The following TMOD3 variants were observed in gnomAD, a reference collection of about 807,000 sequenced individuals.
The protein encoded by TMOD3 is tropomodulin-3.
In TMOD3, 20 loss-of-function variants were observed where a neutral mutation model predicts 39.2. That is an observed-to-expected ratio of 0.51 (90% CI 0.36 to 0.74). The LOEUF is 0.74. Ranked by LOEUF, TMOD3 falls within the 30% of genes least tolerant of loss-of-function variation. TMOD3 has a pLI of 0.00. For missense variants in TMOD3, 381 were observed against 412.8 expected (o/e 0.92, Z 0.67); for synonymous variants, 143 against 145.8 (o/e 0.98, Z 0.14).
At chr15:51,867,220 C>G (rs2056451624) in intron 2 of TMOD3, among the ~76,000 whole-genome samples, 1 of 152,116 alleles carries the variant, frequency 6.6e-6, no homozygotes, top group Non-Finnish European at 1.5e-5. Flanking sequence ...ACAGTCTCAG[C>G]AAGCTTAGAT....
At chr15:51,866,942 G>T (rs912374401) in intron 2 of TMOD3, among the ~76,000 whole-genome samples, 1 of 152,164 alleles carries the variant, frequency 6.6e-6, no homozygotes, top group African/African-American at 2.4e-5. Context: ...GTGATGAGAG[G>T]TTAAGAAAAG....
intron 9 of TMOD3, among the ~76,000 whole-genome samples, chr15:51,902,666 T>TTTG (rs2056658283): frequency 8.0e-6 from 1 of 125,732 alleles, no homozygotes. Context: ...TTTTTTTTTT[T>TTTG]TGAGACAGAG....
In TMOD3 at chr15:51,870,486, T is replaced by G. The variant is rs532554373; in HGVS notation, c.283+1113T>G. On this transcript the variant is annotated intron_variant, in intron 3 of 9. Coordinates refer to ENST00000308580, the MANE Select transcript of TMOD3 (RefSeq NM_014547.5). ...TAGTCCAGGCAGGAAGAATGGGACT[T>G]GGGCTTTTTATTTGAGAAAGAGGCC... is the stretch of plus-strand genomic sequence containing the variant. Among the ~76,000 whole-genome samples, 33 of 152,308 alleles carry G rather than the reference T, an allele frequency of 2.2e-4. No individual in the cohort carries two copies. In the East Asian group the frequency reaches 2.5e-3, roughly 12 times the overall value.
At chr15:51,905,821 G>A (rs544773995) in intron 9 of TMOD3, among the ~76,000 whole-genome samples, 8 of 151,706 alleles carry the variant, frequency 5.3e-5, no homozygotes, top group African/African-American at 1.5e-4. Flanking sequence ...GCGGGCGCCT[G>A]TAGTCCCAGC....
rs1384129740 is a variant in TMOD3, at chr15:51,913,985, C to A, written c.*5175C>A. 7 of 144,798 alleles carry A rather than the reference C, an allele frequency of 4.8e-5. No individual in the cohort carries two copies. The highest frequency in any genetic ancestry group is 8.9e-5 in the Non-Finnish European group (6 of 67,300). 9.0% of individuals were successfully genotyped at this position (144,798 alleles called of 1,614,324 possible). A position where few individuals can be genotyped will look rare whatever the true frequency, so the allele number is the denominator to read the frequency against. On this transcript the variant is annotated 3_prime_UTR_variant, in exon 10 of 10. Coordinates refer to ENST00000308580, the MANE Select transcript of TMOD3 (RefSeq NM_014547.5). ...ATGAGATCATGCTGCTGTACTCTAG[C>A]CTGGGCAATGAGAGTGAAACTCTTA...
At chr15:51,864,872 C>G (rs1187496736) in intron 2 of TMOD3, among the ~76,000 whole-genome samples, 2 of 152,072 alleles carry the variant, frequency 1.3e-5, no homozygotes, top group Non-Finnish European at 2.9e-5. Flanking sequence ...GAAAGGTGTG[C>G]TCCGGGGGAG....
intron 2 of TMOD3, among the ~76,000 whole-genome samples, chr15:51,866,442 A>G (rs1050964394): frequency 6.6e-6 from 1 of 152,060 alleles, no homozygotes; most frequent in Non-Finnish European, 1.5e-5. Context: ...TGAGCAGTAG[A>G]GCAAGACCCT....
At chr15:51,835,363 T>C (rs1017651281) in intron 1 of TMOD3, among the ~76,000 whole-genome samples, 2 of 152,190 alleles carry the variant, frequency 1.3e-5, no homozygotes, top group Admixed American at 6.5e-5. Context: ...AGTGCAGTAG[T>C]GTGATCTTGG....
chr15:51,882,849 T>G (rs2056541919), intron 3 of TMOD3, among the ~76,000 whole-genome samples: 1 of 152,206 alleles, frequency 6.6e-6, no homozygotes, highest in South Asian at 2.1e-4. Flanking sequence ...TTGAAAGGGA[T>G]TGTGTAAATC....
At chr15:51,847,973 G>T (rs181523969) in intron 1 of TMOD3, among the ~76,000 whole-genome samples, 11 of 152,218 alleles carry the variant, frequency 7.2e-5, no homozygotes, top group Admixed American at 5.9e-4. Flanking sequence ...TGAGGATAGA[G>T]CCTTCATGAG....
rs1246956089 is a variant in TMOD3 at position 51,910,759 on chromosome 15, T to A, written c.*1949T>A. On this transcript the variant is annotated 3_prime_UTR_variant, in exon 10 of 10. Coordinates refer to ENST00000308580, the MANE Select transcript of TMOD3 (RefSeq NM_014547.5). ...TGTTTCTCTTTTTTTTTTTTTGTTT[T>A]GGTTTGTTTTGGTTTTTTGGTTTTG... The A allele has an allele frequency of 4.0e-5, 6 of 151,704 alleles. No homozygotes were observed. The highest frequency in any genetic ancestry group is 8.8e-5 in the Non-Finnish European group (6 of 67,996). The allele number at this position is 151,704 out of a possible 1,614,324, so 9.4% of individuals were successfully genotyped here.
intron 1 of TMOD3, chr15:51,833,158 G>A (rs2056264644): frequency 6.6e-6 from 1 of 152,072 alleles, no homozygotes; most frequent in Non-Finnish European, 1.5e-5. Flanking sequence ...AATTTAATTT[G>A]GTGTTTATAA....
intron 8 of TMOD3, chr15:51,901,550 A>G (rs1432324680): frequency 9.0e-6 from 2 of 221,460 alleles, no homozygotes; most frequent in African/African-American, 4.6e-5. Context: ...ATATGATCAT[A>G]TTACTGAACT....
chr15:51,897,800 A>G (rs924408159), intron 7 of TMOD3, among the ~76,000 whole-genome samples: 1 of 145,060 alleles, frequency 6.9e-6, no homozygotes, highest in African/African-American at 2.5e-5. Flanking sequence ...AAAAAAAAAC[A>G]AAAAACTAAT....
At chr15:51,859,842 C>A in intron 1 of TMOD3, 1 of 521,202 alleles carries the variant, frequency 1.9e-6, no homozygotes. Flanking sequence ...TATGGCACAG[C>A]AACAACTCAA....
intron 5 of TMOD3, among the ~76,000 whole-genome samples, chr15:51,892,991 T>C (rs2056601391): frequency 6.6e-6 from 1 of 152,154 alleles, no homozygotes. Context: ...AAATTTTATT[T>C]GGGTGCTTTA....
intron 3 of TMOD3, among the ~76,000 whole-genome samples, chr15:51,884,923 A>G (rs905019823): frequency 3.3e-5 from 5 of 152,258 alleles, no homozygotes; most frequent in African/African-American, 7.2e-5. Flanking sequence ...TTATTGCTTT[A>G]AGAGTGGTCT....
At chr15:51,832,746 A>C (rs1483387896) in intron 1 of TMOD3, among the ~76,000 whole-genome samples, 1 of 152,192 alleles carries the variant, frequency 6.6e-6, no homozygotes. Context: ...ATAAAAGTAT[A>C]CCTGGATAGA....
At position 51,892,658 on chromosome 15, in the gene TMOD3, CGT is replaced by C. The variant is rs2056599685; in HGVS notation, c.497-1155_497-1154del. ...CACTTTCCCACTGCAGAGTACTCCTCGTGGGAGGAAGAGGTAATGTGCCCTCC... is the reference window on the plus strand; with the variant it reads ...CACTTTCCCACTGCAGAGTACTCCTCGGGAGGAAGAGGTAATGTGCCCTCC... On this transcript the variant is annotated intron_variant, in intron 5 of 9. Coordinates refer to ENST00000308580, the MANE Select transcript of TMOD3 (RefSeq NM_014547.5). Among the ~76,000 whole-genome samples, 3 of 152,186 alleles carry C rather than the reference CGT, an allele frequency of 2.0e-5. No individual in the cohort carries two copies. In the South Asian group the frequency reaches 6.2e-4, roughly 32 times the overall value.
Sources: allele counts gnomAD v4.1 joint callset (sites outside exome capture counted in the v4.1 genomes callset), GRCh38; gene constraint gnomAD v4.1.1; transcripts MANE v1.5; gene names NCBI Gene and HGNC (gene_info 2026-07-23, HGNC 2026-07-21).